EPB41L3: variants seen among roughly 807,000 people sequenced by gnomAD.
The protein encoded by EPB41L3 is band 4.1-like protein 3.
EPB41L3 carries 57 observed loss-of-function variants against 127.1 expected under a neutral mutation model. That is an observed-to-expected ratio of 0.45 (90% CI 0.36 to 0.56). EPB41L3 has a LOEUF of 0.56. Among genes scored for constraint, EPB41L3 ranks in the 20% least tolerant of loss-of-function variants. The pLI, the probability that EPB41L3 is intolerant of heterozygous loss-of-function variation, is 0.00. For missense variants in EPB41L3, 1,273 were observed against 1,372.2 expected, an observed-to-expected ratio of 0.93 and a Z score of 1.14; for synonymous variants, 572 against 549.5, an observed-to-expected ratio of 1.04 and a Z score of -0.57.
chr18:5,424,899 G>A (rs1033241097), intron 9 of EPB41L3, among the ~76,000 whole-genome samples: 3 of 152,238 alleles, frequency 2.0e-5, no homozygotes, highest in East Asian at 1.9e-4. Flanking sequence ...ATGGATTATC[G>A]TGTTAAATGC....
At chr18:5,575,815 T>C (rs1941016) in intron 3 of EPB41L3, among the ~76,000 whole-genome samples, 80,471 of 151,606 alleles carry the variant, frequency 0.53, 21,512 homozygotes, top group Admixed American at 0.59. Flanking sequence ...GCAGCCTTGG[T>C]GACAGAGTGA....
At chr18:5,593,479 T>A (rs1008026346) in intron 3 of EPB41L3, among the ~76,000 whole-genome samples, 5 of 152,036 alleles carry the variant, frequency 3.3e-5, no homozygotes, top group African/African-American at 1.2e-4. Context: ...AGAGATCACG[T>A]GCTTCACAAG....
At chr18:5,557,314 G>T (rs2094051478) in intron 3 of EPB41L3, among the ~76,000 whole-genome samples, 3 of 152,166 alleles carry the variant, frequency 2.0e-5, no homozygotes, top group East Asian at 1.9e-4. Flanking sequence ...TTCCTAACAT[G>T]TTTTTTTCCT....
chr18:5,529,419 G>A (rs748745557), intron 1 of EPB41L3, among the ~76,000 whole-genome samples: 4 of 152,042 alleles, frequency 2.6e-5, no homozygotes, highest in African/African-American at 9.6e-5. Flanking sequence ...TGTGCGCACC[G>A]CCCTCCTCTC....
chr18:5,555,812 G>A (rs2094026423), intron 3 of EPB41L3, among the ~76,000 whole-genome samples: 2 of 152,078 alleles, frequency 1.3e-5, no homozygotes, highest in Admixed American at 6.6e-5. Context: ...TTGTTCTCAG[G>A]TGAAGACAAC....
intron 3 of EPB41L3, among the ~76,000 whole-genome samples, chr18:5,563,474 T>C (rs1213611911): frequency 6.6e-6 from 1 of 152,208 alleles, no homozygotes; most frequent in African/African-American, 2.4e-5. Flanking sequence ...ATTATCATTA[T>C]TATATGAATA....
At chr18:5,558,331 T>G (rs977248101) in intron 3 of EPB41L3, among the ~76,000 whole-genome samples, 1 of 152,230 alleles carries the variant, frequency 6.6e-6, no homozygotes, top group Non-Finnish European at 1.5e-5. Flanking sequence ...TATGAGGACT[T>G]ATTGGAGTCT....
At chr18:5,400,306 G>C (rs1362328986) in intron 16 of EPB41L3, 1 of 316,584 alleles carries the variant, frequency 3.2e-6, no homozygotes, top group Admixed American at 4.4e-5. Flanking sequence ...AGATTACAGA[G>C]GGAAGAGATA....
At chr18:5,410,684 T>A in intron 13 of EPB41L3, 65 bp from the exon 14 acceptor site, 1 of 1,350,522 alleles carries the variant, frequency 7.4e-7, no homozygotes, top group Non-Finnish European at 1.1e-6. Flanking sequence ...ACCATCTGGT[T>A]AAACACGCTC....
intron 1 of EPB41L3, among the ~76,000 whole-genome samples, chr18:5,494,760 C>T (rs1213879617): frequency 2.0e-5 from 3 of 150,466 alleles, no homozygotes; most frequent in African/African-American, 4.9e-5. Flanking sequence ...CATGGAGGAT[C>T]GCATGCACTT....
chr18:5,584,503 C>G (rs1214954621), intron 3 of EPB41L3, among the ~76,000 whole-genome samples: 2 of 152,140 alleles, frequency 1.3e-5, no homozygotes, highest in Non-Finnish European at 2.9e-5. Flanking sequence ...TTTTCCCAAC[C>G]TTTTCCTCAA....
chr18:5,397,872 A>G lies in EPB41L3; in HGVS notation c.2472+149T>C. The G allele has an allele frequency of 1.2e-6, 1 of 869,474 alleles. No homozygotes were observed. The highest frequency in any genetic ancestry group is 1.7e-5 in the South Asian group (1 of 60,464). 53.9% of individuals were successfully genotyped at this position (869,474 alleles called of 1,614,324 possible). On this transcript the variant is annotated intron_variant, in intron 17 of 22. Coordinates refer to ENST00000341928, the MANE Select transcript of EPB41L3 (RefSeq NM_012307.5). This position sits in a 1 kb window ranked among gnomAD's most constrained non-coding sequence, Gnocchi z 4.1. ...CTAAAGGCATGTGACAGATATGCCA[A>G]GCAGACACAAAGGACAATAAGTGAA...
rs574690376 is a variant in EPB41L3 at position 5,425,613 on chromosome 18, T to G, written c.1066-1254A>C. ...GACTACCTGAATAGGTATTAATAGT[T>G]TATTAATATCTATTTCTCTGTGTTT... On this transcript the variant is annotated intron_variant, in intron 9 of 22. Coordinates refer to ENST00000341928, the MANE Select transcript of EPB41L3 (RefSeq NM_012307.5). Among the ~76,000 whole-genome samples, 5 of 152,286 alleles carry G rather than the reference T, an allele frequency of 3.3e-5. No individual in the cohort carries two copies. The East Asian group carries it at 9.6e-4, about 29-fold the overall frequency.
intron 3 of EPB41L3, among the ~76,000 whole-genome samples, chr18:5,589,850 G>C (rs1382472793): frequency 2.0e-5 from 3 of 152,198 alleles, no homozygotes; most frequent in Non-Finnish European, 4.4e-5. Context: ...GTGGCACAGT[G>C]ATCTAGACAA....
At chr18:5,426,568 G>A (rs1336110762) in intron 9 of EPB41L3, among the ~76,000 whole-genome samples, 1 of 152,118 alleles carries the variant, frequency 6.6e-6, no homozygotes, top group African/African-American at 2.4e-5. Context: ...ACCTAGTTGT[G>A]TCACATCCTG....
At chr18:5,421,463 C>T (rs554956086) in intron 11 of EPB41L3, among the ~76,000 whole-genome samples, 1 of 152,064 alleles carries the variant, frequency 6.6e-6, no homozygotes, top group Non-Finnish European at 1.5e-5. Context: ...TAATTCAGCT[C>T]GAAACAGTCC....
chr18:5,555,898 C>G (rs2094028017), intron 3 of EPB41L3, among the ~76,000 whole-genome samples: 1 of 152,190 alleles, frequency 6.6e-6, no homozygotes, highest in Non-Finnish European at 1.5e-5. Context: ...TTCCATTCCT[C>G]TTTTTCAGCT....
Position 5,611,220 on chromosome 18 carries a change from A to G in EPB41L3, c.-306+1120T>C, listed in dbSNP as rs570927465. Among the ~76,000 whole-genome samples, 7 of 152,370 alleles carry G rather than the reference A, an allele frequency of 4.6e-5. No homozygotes were observed. The East Asian group carries it at 9.6e-4, about 21-fold the overall frequency. On this transcript the variant is annotated intron_variant, in intron 3 of 21. Coordinates refer to the EPB41L3 transcript ENST00000545076. Reference sequence around the variant, plus strand: ...ACATGTACACAGTAGAATTATTTGTAATAGTCAAAAGGCAGAAACTACACG... The same window carrying G: ...ACATGTACACAGTAGAATTATTTGTGATAGTCAAAAGGCAGAAACTACACG...
chr18:5,438,343 T>G (rs957819586), intron 5 of EPB41L3, among the ~76,000 whole-genome samples: 1 of 152,170 alleles, frequency 6.6e-6, no homozygotes, highest in Non-Finnish European at 1.5e-5. Flanking sequence ...GTATGGAAAC[T>G]GATCAAACTT....
Sources: gnomAD v4.1 joint callset for allele counts (sites outside exome capture counted in the v4.1 genomes callset) on GRCh38, gnomAD v4.1.1 for gene constraint, Gnocchi (gnomAD v3.1) non-coding constraint, MANE v1.5 for transcripts, NCBI Gene and HGNC (gene_info 2026-07-23, HGNC 2026-07-21) for gene names.